The following DSG3 variants were observed in gnomAD, a reference collection of about 807,000 sequenced individuals.
The protein encoded by DSG3 is desmoglein-3.
A neutral mutation model predicts 85.9 loss-of-function variants in DSG3; 63 were observed. The observed-to-expected ratio is 0.73, with a 90% CI of 0.60 to 0.90. DSG3 has a LOEUF of 0.90. Ranked by LOEUF, DSG3 falls within the 40% of genes least tolerant of loss-of-function variation. The pLI, the probability that DSG3 is intolerant of heterozygous loss-of-function variation, is 0.00. For missense variants in DSG3, 1,220 were observed against 1,219.9 expected (o/e 1.00, Z 0.00); for synonymous variants, 447 against 441.9 (o/e 1.01, Z -0.14).
rs971164764 is a variant in DSG3 at position 31,459,757 on chromosome 18, C to T, written c.518-88C>T. 3.9e-6 allele frequency: 5 copies of T among 1,268,654 alleles called. No individual in the cohort carries two copies. In the African/African-American group the frequency reaches 6.1e-5, roughly 15 times the overall value. The allele number at this position is 1,268,654 out of a possible 1,614,324, so 78.6% of individuals were successfully genotyped here. On this transcript the variant is annotated intron_variant, in intron 5 of 15. Coordinates refer to ENST00000257189, the MANE Select transcript of DSG3 (RefSeq NM_001944.3). Reference sequence around the variant, plus strand: ...TGATTTTAGGATATTTAAAAATTAGCATCAATGTGAACTTGTTTGGAATAT... The same window carrying T: ...TGATTTTAGGATATTTAAAAATTAGTATCAATGTGAACTTGTTTGGAATAT...
intron 9 of DSG3, among the ~76,000 whole-genome samples, chr18:31,464,664 G>A (rs1362731016): frequency 6.6e-6 from 1 of 152,188 alleles, no homozygotes; most frequent in Non-Finnish European, 1.5e-5. Flanking sequence ...GAAACTTACA[G>A]TTGAGTCTTA....
Position 31,472,806 on chromosome 18 carries a change from G to A in DSG3, c.2101+18G>A. 2 of 1,611,380 alleles carry A rather than the reference G, an allele frequency of 1.2e-6. No homozygotes were observed. The highest frequency in any genetic ancestry group is 1.7e-4 in the Middle Eastern group (1 of 6,054). ...AAGTTCTGGTAAGTGGACATAAAAT[G>A]TTTGAAAGCAATGGTGAGTTAAGTG... On this transcript the variant is annotated intron_variant, in intron 14 of 15. Transcript: ENST00000257189.
chr18:31,464,086 C>T (rs779523046), intron 8 of DSG3, 25 bp from the exon 9 acceptor site: 2 of 1,598,942 alleles, frequency 1.3e-6, no homozygotes, highest in South Asian at 2.3e-5. Context: ...TGTGAAACTG[C>T]CTTCTAATTT....
chr18:31,472,840 T>TA, intron 14 of DSG3, 52 bp downstream of exon 14: 1 of 1,522,912 alleles, frequency 6.6e-7, no homozygotes, highest in Non-Finnish European at 9.1e-7. Context: ...TGGTAAATAT[T>TA]AAAAAATAAG....
At chr18:31,450,517 C>G (rs1286809467) in intron 1 of DSG3, among the ~76,000 whole-genome samples, 1 of 152,146 alleles carries the variant, frequency 6.6e-6, no homozygotes, top group Non-Finnish European at 1.5e-5. Flanking sequence ...AAAGCATTCT[C>G]AAGTGGGAAT....
Position 31,476,334 on chromosome 18 carries a change from G to T in DSG3, c.*74G>T. On this transcript the variant is annotated 3_prime_UTR_variant, in exon 16 of 16. Transcript: ENST00000257189. ...AAAGTATTCAAAATAGCATAGCAAAGCTCACTGTATTGGGCTAATAATTTG... is the reference window on the plus strand; with the variant it reads ...AAAGTATTCAAAATAGCATAGCAAATCTCACTGTATTGGGCTAATAATTTG... The T allele has an allele frequency of 6.6e-7, 1 of 1,513,152 alleles. No individual in the cohort carries two copies. Among genetic ancestry groups the T allele is most frequent in the Non-Finnish European group, 8.9e-7 (1 of 1,126,696 alleles). 93.7% of individuals were successfully genotyped at this position (1,513,152 alleles called of 1,614,324 possible).
rs769721768 is a variant in DSG3, at chr18:31,465,458, G to T, written c.1411+1G>T. ...ACAGCTGAGGTTCTGGCCATAGATG[G>T]TAAGAAAAATATTTGAATCATTTCA... is the stretch of plus-strand genomic sequence containing the variant. On this transcript the variant is annotated splice_donor_variant, in intron 10 of 15. Coordinates refer to ENST00000257189, the MANE Select transcript of DSG3 (RefSeq NM_001944.3). LOFTEE classifies it high-confidence loss of function. The T allele has an allele frequency of 6.8e-7, 1 of 1,471,384 alleles. No individual in the cohort carries two copies. The highest frequency in any genetic ancestry group is 2.6e-5 in the Admixed American group (1 of 38,946). The allele number at this position is 1,471,384 out of a possible 1,614,324, so 91.1% of individuals were successfully genotyped here.
At position 31,472,718 on chromosome 18, in the gene DSG3, T is replaced by C; in HGVS notation, c.2038-7T>C. On this transcript the variant is annotated splice_polypyrimidine_tract_variant and splice_region_variant and intron_variant, in intron 13 of 15. Coordinates refer to ENST00000257189, the MANE Select transcript of DSG3 (RefSeq NM_001944.3). The stretch of plus-strand genomic sequence containing the variant: ...TTAAATGAATTTATTTTTCACATGG[T>C]TTGCAGGAAATCACAAATATTTGTG... 6.2e-7 allele frequency: 1 copy of C among 1,613,786 alleles called. No homozygotes were observed. Among genetic ancestry groups the C allele is most frequent in the African/African-American group, 1.3e-5 (1 of 75,058 alleles).
Position 31,458,499 on chromosome 18 carries a change from G to C in DSG3, c.271G>C (p.Gly91Arg), listed in dbSNP as rs1416916823. The part of the protein sequence containing the change: ...QKITYRISGV[G>R]IDQPPFGIFV... ...AATCACCTACCGAATCTCTGGAGTG[G>C]GAATCGATCAGCCGCCTTTTGGAAT... Residue 91 changes from glycine to arginine, a missense_variant, in exon 4 of 16, where the codon GGA (glycine) becomes CGA (arginine). Transcript: ENST00000257189. 6.2e-7 allele frequency: 1 copy of C among 1,613,962 alleles called. No homozygotes were observed. Among genetic ancestry groups the C allele is most frequent in the African/African-American group, 1.3e-5 (1 of 74,906 alleles).
intron 6 of DSG3, among the ~76,000 whole-genome samples, chr18:31,460,600 A>G (rs939415412): frequency 2.0e-5 from 3 of 152,054 alleles, no homozygotes; most frequent in African/African-American, 7.2e-5. Flanking sequence ...CACCCTACTC[A>G]TTGCCCATTT....
intron 3 of DSG3, among the ~76,000 whole-genome samples, chr18:31,457,524 T>C (rs2072750175): frequency 9.4e-6 from 1 of 106,352 alleles, no homozygotes; most frequent in African/African-American, 4.7e-5. Context: ...TACTATTCTC[T>C]TTCTTTCTTT....
chr18:31,452,922 C>T (rs867304360), intron 1 of DSG3, among the ~76,000 whole-genome samples: 21 of 152,146 alleles, frequency 1.4e-4, no homozygotes, highest in South Asian at 8.3e-4. Context: ...TGTCATGATA[C>T]AAGGCTTAAC....
At chr18:31,474,568 T>C (rs1342664665) in intron 15 of DSG3, among the ~76,000 whole-genome samples, 164 bp downstream of exon 15, 11 of 152,144 alleles carry the variant, frequency 7.2e-5, no homozygotes, top group Admixed American at 5.9e-4. Flanking sequence ...TAACCTAAGG[T>C]AGCTGTCAAA....
intron 9 of DSG3, 132 bp from the exon 10 acceptor site, chr18:31,465,186 T>C (rs1267238284): frequency 1.5e-5 from 10 of 646,900 alleles, no homozygotes; most frequent in Admixed American, 8.7e-5. Flanking sequence ...TTCTGTTGCT[T>C]TTTATAAAAG....
At chr18:31,463,412 G>A (rs751734432) in intron 8 of DSG3, among the ~76,000 whole-genome samples, 5 of 152,150 alleles carry the variant, frequency 3.3e-5, no homozygotes, top group Non-Finnish European at 7.3e-5. Flanking sequence ...TAACCAATAT[G>A]AGCATTTTCT....
chr18:31,465,428 C>A lies in DSG3; in HGVS notation c.1382C>A (p.Thr461Lys). The change falls in exon 10 of 16, where the codon ACA (threonine) becomes AAA (lysine). Residue 461 changes from threonine (T) to lysine (K), a missense_variant. Coordinates refer to ENST00000257189, the MANE Select transcript of DSG3 (RefSeq NM_001944.3). ...NRDSTFIVNKTITAEVLAIDE... is the reference protein window; with the variant it reads ...NRDSTFIVNKKITAEVLAIDE... Reference sequence around the variant, plus strand: ...GATTCTACTTTCATAGTTAACAAAACAATCACAGCTGAGGTTCTGGCCATA... The same window carrying A: ...GATTCTACTTTCATAGTTAACAAAAAAATCACAGCTGAGGTTCTGGCCATA... 6.5e-7 allele frequency: 1 copy of A among 1,528,584 alleles called. No individual in the cohort carries two copies. Among genetic ancestry groups the A allele is most frequent in the Non-Finnish European group, 8.8e-7 (1 of 1,141,194 alleles). 94.7% of individuals were successfully genotyped at this position (1,528,584 alleles called of 1,614,324 possible). A position where few individuals can be genotyped will look rare whatever the true frequency, so the allele number is the denominator to read the frequency against.
chr18:31,460,786 A>G, intron 6 of DSG3, 47 bp from the exon 7 acceptor site: 1 of 1,495,332 alleles, frequency 6.7e-7, no homozygotes, highest in South Asian at 1.3e-5. Flanking sequence ...TTCCATTTAT[A>G]ATTCTTTGGG....
chr18:31,460,570 A>G (rs995197921), intron 6 of DSG3, among the ~76,000 whole-genome samples: 48 of 152,156 alleles, frequency 3.2e-4, no homozygotes, highest in Admixed American at 3.9e-4. Context: ...GAGAAGCTCC[A>G]TAAGTGAGCT....
At position 31,475,629 on chromosome 18, in the gene DSG3, CT is replaced by C; in HGVS notation, c.2386-12del. The C allele has an allele frequency of 6.3e-7, 1 of 1,599,308 alleles. No homozygotes were observed. ...CTTTCTTAAAATTCATTTTTTCCCA[CT>C]TTTTCTCTGTCTTAGAAAGCATTTG... is the stretch of plus-strand genomic sequence containing the variant. On this transcript the variant is annotated splice_polypyrimidine_tract_variant and intron_variant, in intron 15 of 15. Coordinates refer to ENST00000257189, the MANE Select transcript of DSG3 (RefSeq NM_001944.3).
Sources: allele counts gnomAD v4.1 joint callset (sites outside exome capture counted in the v4.1 genomes callset), GRCh38; gene constraint gnomAD v4.1.1; transcripts MANE v1.5; gene names NCBI Gene and HGNC (gene_info 2026-07-23, HGNC 2026-07-21).